BMPER: variants seen among roughly 807,000 people sequenced by gnomAD.
BMPER encodes BMP binding endothelial regulator.
In BMPER, 45 loss-of-function variants were observed where a neutral mutation model predicts 87.3. The ratio of observed to expected loss-of-function variants is 0.52; its 90% confidence interval spans 0.41 to 0.66. The LOEUF is 0.66. BMPER is among the 30% of genes least tolerant of loss of function. The pLI, the probability that BMPER is intolerant of heterozygous loss-of-function variation, is 0.00. For missense variants in BMPER, 784 were observed against 867.5 expected (o/e 0.90, Z 1.21); for synonymous variants, 326 against 316.2 (o/e 1.03, Z -0.33).
intron 13 of BMPER, among the ~76,000 whole-genome samples, chr7:34,098,105 T>G (rs1385925508): frequency 6.6e-6 from 1 of 152,120 alleles, no homozygotes; most frequent in African/African-American, 2.4e-5. Flanking sequence ...GAAGCCAGAA[T>G]TAGAATCCAG....
At chr7:34,100,632 C>G (rs1789656592) in intron 13 of BMPER, among the ~76,000 whole-genome samples, 2 of 152,176 alleles carry the variant, frequency 1.3e-5, no homozygotes, top group African/African-American at 2.4e-5. Flanking sequence ...TCATTTTTCC[C>G]CTGAAGACAG....
chr7:34,035,342 T>A (rs1454453090), intron 6 of BMPER, among the ~76,000 whole-genome samples: 2 of 152,224 alleles, frequency 1.3e-5, no homozygotes, highest in Non-Finnish European at 2.9e-5. Flanking sequence ...TGGATTTATT[T>A]CATTTAAAGA....
chr7:33,931,171 G>A (rs758586889), intron 2 of BMPER, among the ~76,000 whole-genome samples: 2 of 152,196 alleles, frequency 1.3e-5, no homozygotes, highest in Non-Finnish European at 2.9e-5. Flanking sequence ...CAGGTGGCCT[G>A]TCCAGAAAAT....
intron 13 of BMPER, among the ~76,000 whole-genome samples, chr7:34,127,420 T>C (rs1485543807): frequency 1.3e-5 from 2 of 152,174 alleles, no homozygotes; most frequent in African/African-American, 4.8e-5. Flanking sequence ...GCCATGTTGG[T>C]ACTGTAGCTT....
At chr7:33,992,780 A>T (rs4260796) in intron 6 of BMPER, among the ~76,000 whole-genome samples, 1 of 133,182 alleles carries the variant, frequency 7.5e-6, no homozygotes, top group African/African-American at 2.9e-5. Flanking sequence ...CATGTTTAGC[A>T]CTTCCTTCAG....
chr7:33,951,021 C>A (rs975976362), intron 3 of BMPER, among the ~76,000 whole-genome samples: 1 of 151,948 alleles, frequency 6.6e-6, no homozygotes. Flanking sequence ...CCCTGTCTCC[C>A]CATCTTCTTC....
chr7:34,132,154 A>G (rs1790608964), intron 13 of BMPER, among the ~76,000 whole-genome samples: 1 of 152,128 alleles, frequency 6.6e-6, no homozygotes, highest in African/African-American at 2.4e-5. Context: ...ATGCCGTGGG[A>G]CAATTGTGTA....
intron 2 of BMPER, among the ~76,000 whole-genome samples, chr7:33,924,707 G>A (rs574177045): frequency 3.9e-5 from 6 of 152,146 alleles, no homozygotes; most frequent in East Asian, 1.9e-4. Flanking sequence ...TTGCTCTGTC[G>A]CCCGGGCTGG....
At chr7:34,134,228 A>G (rs567431239) in intron 13 of BMPER, among the ~76,000 whole-genome samples, 14 of 152,308 alleles carry the variant, frequency 9.2e-5, no homozygotes, top group Non-Finnish European at 1.9e-4. Flanking sequence ...ATTGAGCACA[A>G]GTTTAAGAGA....
intron 6 of BMPER, among the ~76,000 whole-genome samples, chr7:34,042,380 A>G (rs1787855111): frequency 6.6e-6 from 1 of 152,206 alleles, no homozygotes; most frequent in African/African-American, 2.4e-5. Flanking sequence ...CCAGATAAGA[A>G]TACAGTCATT....
upstream of BMPER, chr7:33,905,464 C>T: frequency 1.5e-6 from 1 of 678,390 alleles, no homozygotes; most frequent in Admixed American, 2.3e-5. Flanking sequence ...CACACCCCCC[C>T]GCCCCCCAGC....
intron 12 of BMPER, among the ~76,000 whole-genome samples, chr7:34,082,906 T>G (rs1359699736): frequency 2.0e-5 from 3 of 152,226 alleles, no homozygotes; most frequent in Admixed American, 6.5e-5. Flanking sequence ...TTCAGAATTA[T>G]GCTGTAAAAG....
chr7:34,045,388 C>T (rs1044953112), intron 6 of BMPER, among the ~76,000 whole-genome samples: 22 of 152,060 alleles, frequency 1.4e-4, no homozygotes, highest in African/African-American at 5.1e-4. Context: ...GAAGCAGGCA[C>T]CTCTGGTGAG....
intron 13 of BMPER, among the ~76,000 whole-genome samples, chr7:34,131,954 C>G (rs1790601065): frequency 6.6e-6 from 1 of 152,108 alleles, no homozygotes. Context: ...ATGAATTTTG[C>G]TCTTTTCTTT....
intron 13 of BMPER, among the ~76,000 whole-genome samples, chr7:34,128,847 C>T (rs1474253968): frequency 6.6e-6 from 1 of 152,190 alleles, no homozygotes; most frequent in African/African-American, 2.4e-5. Flanking sequence ...GAGCTCCTAT[C>T]ACAGACATGA....
chr7:33,944,645 G>C (rs1235206699), intron 3 of BMPER, among the ~76,000 whole-genome samples: 2 of 152,074 alleles, frequency 1.3e-5, no homozygotes, highest in Non-Finnish European at 2.9e-5. Context: ...TTCTTGGTTA[G>C]TCTCTTAAGA....
intron 3 of BMPER, among the ~76,000 whole-genome samples, chr7:33,945,487 A>G (rs1784871458): frequency 6.9e-6 from 1 of 144,940 alleles, no homozygotes; most frequent in Admixed American, 6.8e-5. Context: ...CCTGATCTCA[A>G]GTGATCCACC....
rs1229217171 is a variant in BMPER at position 33,937,614 on chromosome 7, T to A, written c.319+226T>A. 25 of 553,544 alleles carry A rather than the reference T, an allele frequency of 4.5e-5. No homozygotes were observed. The Admixed American group carries it at 7.3e-4, about 16-fold the overall frequency. The allele number at this position is 553,544 out of a possible 1,614,324, so 34.3% of individuals were successfully genotyped here. A position where few individuals can be genotyped will look rare whatever the true frequency, so the allele number is the denominator to read the frequency against. Reference sequence around the variant, plus strand: ...CTCCTGGAGGAGGGATGAAAGTATGTGAGCATCTTCATATTTGGTTTGTTT... The same window carrying A: ...CTCCTGGAGGAGGGATGAAAGTATGAGAGCATCTTCATATTTGGTTTGTTT... On this transcript the variant is annotated intron_variant, in intron 3 of 14. Coordinates refer to ENST00000649409, the MANE Select transcript of BMPER (RefSeq NM_001365308.1).
chr7:34,094,034 G>C (rs1789463254), intron 13 of BMPER, among the ~76,000 whole-genome samples: 1 of 152,300 alleles, frequency 6.6e-6, no homozygotes, highest in Admixed American at 6.5e-5. Flanking sequence ...TGAGCAGCTA[G>C]CCTGACAGGC....
Sources: allele counts gnomAD v4.1 joint callset (sites outside exome capture counted in the v4.1 genomes callset), GRCh38; gene constraint gnomAD v4.1.1; transcripts MANE v1.5; gene names NCBI Gene and HGNC (gene_info 2026-07-23, HGNC 2026-07-21).